Variants in NKAIN2 observed in about 807,000 individuals in gnomAD.
NKAIN2 encodes sodium/potassium-transporting ATPase subunit beta-1-interacting protein 2.
NKAIN2 carries 14 observed loss-of-function variants against 32.6 expected under a neutral mutation model. That is an observed-to-expected ratio of 0.43 (90% CI 0.28 to 0.67). The LOEUF (loss-of-function observed/expected upper bound fraction) is 0.67. Among genes scored for constraint, NKAIN2 ranks in the 30% least tolerant of loss-of-function variants. NKAIN2 has a pLI of 0.17. For missense variants in NKAIN2, 198 were observed against 258.3 expected (o/e 0.77, Z 1.60); for synonymous variants, 80 against 87.2 (o/e 0.92, Z 0.46).
rs543797207 is a variant in NKAIN2 at position 124,516,826 on chromosome 6, CT to C, written c.274-141355del. On this transcript the variant is annotated intron_variant, in intron 3 of 6. Transcript: ENST00000368417. Reference sequence around the variant, plus strand: ...TCACCTTCACTTCAAGTCTATGCAGCTTTTTACTAAAATCTCAAAGTTGCAT... The same window carrying C: ...TCACCTTCACTTCAAGTCTATGCAGCTTTTACTAAAATCTCAAAGTTGCAT... Among the ~76,000 whole-genome samples the C allele has an allele frequency of 1.8e-3, 274 of 152,264 alleles. 1 individual carries two copies. The highest frequency in any genetic ancestry group is 6.4e-3 in the African/African-American group (266 of 41,538).
intron 1 of NKAIN2, among the ~76,000 whole-genome samples, chr6:123,923,133 C>G (rs28615714): frequency 1.2e-5 from 1 of 86,584 alleles, no homozygotes; most frequent in Non-Finnish European, 3.1e-5. Flanking sequence ...CCAAAAAAAA[C>G]AAAAAAAAGA....
In NKAIN2 at chr6:124,727,312, G is replaced by A. The variant is rs540070975; in HGVS notation, c.475-64027G>A. 9.4e-4 allele frequency among the ~76,000 whole-genome samples: 143 copies of A among 152,192 alleles called. 2 individuals carry two copies. In the South Asian group the frequency reaches 0.014, roughly 15 times the overall value. On this transcript the variant is annotated intron_variant, in intron 4 of 6. Transcript: ENST00000368417. ...ATGTTAACGGAAGCCAGAGAGAAAG[G>A]TCGGGTTACCCTCAAAGGGAAGCCC... is the stretch of plus-strand genomic sequence containing the variant.
intron 1 of NKAIN2, among the ~76,000 whole-genome samples, chr6:123,887,511 A>G (rs1773783141): frequency 6.6e-6 from 1 of 152,194 alleles, no homozygotes; most frequent in Admixed American, 6.5e-5. Flanking sequence ...AATCTAAAGC[A>G]GGTCGAGCTG....
intron 2 of NKAIN2, among the ~76,000 whole-genome samples, chr6:124,304,152 C>T (rs563526141): frequency 6.6e-5 from 10 of 152,166 alleles, no homozygotes; most frequent in Non-Finnish European, 1.2e-4. Flanking sequence ...ACTAGAGACA[C>T]GGTAGATTTG....
chr6:124,774,883 G>C (rs1778920872), intron 4 of NKAIN2, among the ~76,000 whole-genome samples: 2 of 148,782 alleles, frequency 1.3e-5, no homozygotes, highest in Admixed American at 6.7e-5. Context: ...AAAAGATACT[G>C]TCAACATCTT....
chr6:124,164,922 G>A (rs1582771564), intron 1 of NKAIN2, among the ~76,000 whole-genome samples: 1 of 152,146 alleles, frequency 6.6e-6, no homozygotes, highest in South Asian at 2.1e-4. Flanking sequence ...TGGTACATTT[G>A]TGACAGAATA....
chr6:124,488,035 T>C (rs1777722521), intron 3 of NKAIN2, among the ~76,000 whole-genome samples: 1 of 152,122 alleles, frequency 6.6e-6, no homozygotes, highest in Non-Finnish European at 1.5e-5. Context: ...AGAAATTCCC[T>C]AAGTAACTTT....
At chr6:124,708,323 G>A (rs891342572) in intron 4 of NKAIN2, among the ~76,000 whole-genome samples, 21 of 151,766 alleles carry the variant, frequency 1.4e-4, no homozygotes, top group Middle Eastern at 3.4e-3. Context: ...TTGGTGAAGC[G>A]GGCTCTTTTT....
intron 1 of NKAIN2, among the ~76,000 whole-genome samples, chr6:123,920,514 A>G (rs962021903): frequency 6.6e-6 from 1 of 152,134 alleles, no homozygotes; most frequent in South Asian, 2.1e-4. Flanking sequence ...CATATTTTCC[A>G]TGTGAGAAAT....
chr6:123,844,543 T>C lies in NKAIN2; in HGVS notation c.54+40289T>C, dbSNP rs79822495. On this transcript the variant is annotated intron_variant, in intron 1 of 6. Coordinates refer to ENST00000368417, the MANE Select transcript of NKAIN2 (RefSeq NM_001040214.3). ...CTTAGTAGCTAACCTATACACATGT[T>C]TTCTGACCAGATGAAATAACTTTCA... Among the ~76,000 whole-genome samples the C allele has an allele frequency of 4.7e-3, 719 of 152,312 alleles. 4 individuals are homozygous for C. Among genetic ancestry groups the C allele is most frequent in the Admixed American group, 0.015 (232 of 15,292 alleles).
At chr6:124,021,611 T>A (rs535441013) in intron 1 of NKAIN2, among the ~76,000 whole-genome samples, 2 of 152,138 alleles carry the variant, frequency 1.3e-5, no homozygotes, top group African/African-American at 4.8e-5. Context: ...CATTTTTATA[T>A]CTCTTGGATC....
intron 1 of NKAIN2, among the ~76,000 whole-genome samples, chr6:123,870,113 C>A (rs2114277388): frequency 6.6e-6 from 1 of 152,152 alleles, no homozygotes; most frequent in South Asian, 2.1e-4. Flanking sequence ...GCCAGATGGT[C>A]ATTTGAGCAC....
intron 4 of NKAIN2, among the ~76,000 whole-genome samples, chr6:124,788,557 T>C (rs1395374368): frequency 6.6e-6 from 1 of 152,074 alleles, no homozygotes; most frequent in East Asian, 1.9e-4. Flanking sequence ...AAAGACCTTC[T>C]TCAGATGGTG....
chr6:124,756,443 C>T (rs1241840095), intron 4 of NKAIN2, among the ~76,000 whole-genome samples: 1 of 152,076 alleles, frequency 6.6e-6, no homozygotes, highest in Non-Finnish European at 1.5e-5. Flanking sequence ...ATGACCAGCC[C>T]TGCAAATGCC....
At chr6:124,773,383 C>T (rs976118528) in intron 4 of NKAIN2, among the ~76,000 whole-genome samples, 10 of 151,698 alleles carry the variant, frequency 6.6e-5, no homozygotes, top group South Asian at 4.2e-4. Context: ...TTTTTTCCTG[C>T]GGGGAAAGGA....
At chr6:124,344,799 C>T (rs1583086095) in intron 2 of NKAIN2, among the ~76,000 whole-genome samples, 1 of 152,306 alleles carries the variant, frequency 6.6e-6, no homozygotes, top group East Asian at 1.9e-4. Context: ...TTGACTTCCT[C>T]TTTTCCTAAC....
intron 3 of NKAIN2, among the ~76,000 whole-genome samples, chr6:124,611,318 T>C (rs1782680074): frequency 6.6e-6 from 1 of 152,152 alleles, no homozygotes; most frequent in African/African-American, 2.4e-5. Flanking sequence ...ATAAATGTTA[T>C]TAAAACAAAA....
At chr6:124,488,267 C>T (rs1777731640) in intron 3 of NKAIN2, among the ~76,000 whole-genome samples, 1 of 151,970 alleles carries the variant, frequency 6.6e-6, no homozygotes, top group Non-Finnish European at 1.5e-5. Flanking sequence ...ACCTACTGCC[C>T]ATTGCAAGCA....
At chr6:124,801,612 A>G (rs894276954) in intron 5 of NKAIN2, among the ~76,000 whole-genome samples, 7 of 152,230 alleles carry the variant, frequency 4.6e-5, no homozygotes, top group African/African-American at 1.7e-4. Context: ...AAAGCAGGGA[A>G]CCAAACAGGT....
Sources: allele counts gnomAD v4.1 joint callset (sites outside exome capture counted in the v4.1 genomes callset), GRCh38; gene constraint gnomAD v4.1.1; transcripts MANE v1.5; gene names NCBI Gene and HGNC (gene_info 2026-07-23, HGNC 2026-07-21).